Variants in FAM204A observed in about 807,000 individuals in gnomAD.
FAM204A encodes the protein protein FAM204A.
FAM204A carries 16 observed loss-of-function variants against 35.4 expected under a neutral mutation model. That is an observed-to-expected ratio of 0.45 (90% CI 0.31 to 0.69). The LOEUF (loss-of-function observed/expected upper bound fraction) is 0.69, where lower values mean the gene tolerates loss of function less well. FAM204A is among the 30% of genes least tolerant of loss of function. FAM204A has a pLI of 0.07. For missense variants in FAM204A, 240 were observed against 265.7 expected (o/e 0.90, Z 0.67); for synonymous variants, 76 against 86.9 (o/e 0.88, Z 0.70).
intron 7 of FAM204A, among the ~76,000 whole-genome samples, chr10:118,316,997 A>G (rs1846042361): frequency 6.6e-6 from 1 of 152,132 alleles, no homozygotes; most frequent in African/African-American, 2.4e-5. Flanking sequence ...GATGCTTTAC[A>G]CAGCCCCCAT....
intron 8 of FAM204A, 121 bp downstream of exon 8, chr10:118,311,086 T>C (rs1375748254): frequency 3.7e-6 from 4 of 1,069,842 alleles, no homozygotes; most frequent in Non-Finnish European, 5.6e-6. Flanking sequence ...CTGATAAACA[T>C]TCAACGAAGA....
In FAM204A at chr10:118,307,279, T is replaced by C. The variant is rs547805213; in HGVS notation, c.*3578A>G. 1 of 152,358 alleles carries C rather than the reference T, an allele frequency of 6.6e-6. No individual in the cohort carries two copies. Among genetic ancestry groups the C allele is most frequent in the East Asian group, 1.9e-4 (1 of 5,184 alleles). 9.4% of individuals were successfully genotyped at this position (152,358 alleles called of 1,614,324 possible). On this transcript the variant is annotated 3_prime_UTR_variant, in exon 9 of 9. Coordinates refer to ENST00000369183, the MANE Select transcript of FAM204A (RefSeq NM_022063.3). Reference sequence around the variant, plus strand: ...ATTTGGTTCTGGAAAAAGATTTTCATGTACATATTTTGTCCAAATATTACT... The same window carrying C: ...ATTTGGTTCTGGAAAAAGATTTTCACGTACATATTTTGTCCAAATATTACT...
At chr10:118,330,336 C>G (rs1419808954) in intron 6 of FAM204A, among the ~76,000 whole-genome samples, 1 of 152,190 alleles carries the variant, frequency 6.6e-6, no homozygotes, top group Non-Finnish European at 1.5e-5. Context: ...CTGCTCCAAC[C>G]ATTCATCTCA....
In FAM204A at chr10:118,304,487, G is replaced by A. The variant is rs1356910403; in HGVS notation, c.*6370C>T. 2 of 152,362 alleles carry A rather than the reference G, an allele frequency of 1.3e-5. No individual in the cohort carries two copies. The highest frequency in any genetic ancestry group is 2.9e-5 in the Non-Finnish European group (2 of 68,134). 9.4% of individuals were successfully genotyped at this position (152,362 alleles called of 1,614,324 possible). On this transcript the variant is annotated 3_prime_UTR_variant, in exon 9 of 9. Transcript: ENST00000369183. The stretch of plus-strand genomic sequence containing the variant: ...CATCTCTCAAAGTTGTGTGTGAGTT[G>A]GTTCTGGCCAGCTCTTTTCAACGCC...
chr10:118,329,148 T>C (rs1239353356), intron 6 of FAM204A, among the ~76,000 whole-genome samples: 1 of 152,224 alleles, frequency 6.6e-6, no homozygotes, highest in Non-Finnish European at 1.5e-5. Flanking sequence ...TTATCTTCAA[T>C]GCTTCCAACC....
chr10:118,322,485 C>T, intron 7 of FAM204A: 1 of 422,382 alleles, frequency 2.4e-6, no homozygotes. Context: ...GGACATGCTA[C>T]AAAGTAACTG....
chr10:118,313,031 A>G (rs1002172435), intron 7 of FAM204A, among the ~76,000 whole-genome samples: 1 of 152,202 alleles, frequency 6.6e-6, no homozygotes, highest in Non-Finnish European at 1.5e-5. Flanking sequence ...AAAGGTTAAG[A>G]ATCAAAAGCC....
At chr10:118,324,981 TAATA>T (rs1462094003) in intron 7 of FAM204A, among the ~76,000 whole-genome samples, 1 of 152,084 alleles carries the variant, frequency 6.6e-6, no homozygotes, top group Non-Finnish European at 1.5e-5. Context: ...TATTAGTCAT[TAATA>T]TATATTCTCT....
intron 6 of FAM204A, among the ~76,000 whole-genome samples, chr10:118,330,165 C>T (rs1393746047): frequency 1.3e-5 from 2 of 152,146 alleles, no homozygotes; most frequent in South Asian, 2.1e-4. Flanking sequence ...TATTAACCAT[C>T]GCCTCAAATG....
At chr10:118,338,281 G>T (rs1846419620) in intron 2 of FAM204A, among the ~76,000 whole-genome samples, 1 of 152,128 alleles carries the variant, frequency 6.6e-6, no homozygotes, top group Non-Finnish European at 1.5e-5. Flanking sequence ...TACTCCAATA[G>T]CACAAAAGAC....
At chr10:118,318,876 C>T (rs752721707) in intron 7 of FAM204A, among the ~76,000 whole-genome samples, 4 of 150,958 alleles carry the variant, frequency 2.6e-5, no homozygotes, top group South Asian at 2.1e-4. Context: ...GAACTCCAGA[C>T]ACAATAACAC....
At chr10:118,329,625 G>A (rs772369402) in intron 6 of FAM204A, among the ~76,000 whole-genome samples, 4 of 151,976 alleles carry the variant, frequency 2.6e-5, no homozygotes, top group Non-Finnish European at 4.4e-5. Flanking sequence ...GCTGTACCTT[G>A]TGTCCCTTCA....
At position 118,308,002 on chromosome 10, in the gene FAM204A, A is replaced by C. The variant is rs1489856344; in HGVS notation, c.*2855T>G. 16 of 152,234 alleles carry C rather than the reference A, an allele frequency of 1.1e-4. No homozygotes were observed. The allele number at this position is 152,234 out of a possible 1,614,324, so 9.4% of individuals were successfully genotyped here. A position where few individuals can be genotyped will look rare whatever the true frequency, so the allele number is the denominator to read the frequency against. Reference sequence around the variant, plus strand: ...CATCAGAACTAATTATAGCAAACCTAAGATTATATATTCAATCTCTCCTTT... The same window carrying C: ...CATCAGAACTAATTATAGCAAACCTCAGATTATATATTCAATCTCTCCTTT... On this transcript the variant is annotated 3_prime_UTR_variant, in exon 9 of 9. Coordinates refer to ENST00000369183, the MANE Select transcript of FAM204A (RefSeq NM_022063.3).
chr10:118,321,534 ATTGTAT>A (rs1205019368), intron 7 of FAM204A, among the ~76,000 whole-genome samples: 1 of 151,820 alleles, frequency 6.6e-6, no homozygotes, highest in African/African-American at 2.4e-5. Context: ...AGAAAAAAAC[ATTGTAT>A]TTGTATGAAT....
At chr10:118,333,319 T>C (rs1307268119) in intron 6 of FAM204A, among the ~76,000 whole-genome samples, 2 of 152,198 alleles carry the variant, frequency 1.3e-5, no homozygotes, top group African/African-American at 2.4e-5. Flanking sequence ...AGAAACAAAA[T>C]AGTGGATGGA....
chr10:118,320,424 G>A (rs988026507), intron 7 of FAM204A, among the ~76,000 whole-genome samples: 23 of 151,732 alleles, frequency 1.5e-4, no homozygotes, highest in Admixed American at 1.4e-3. Context: ...CAAACATAAT[G>A]TATAAGAAAA....
At chr10:118,327,515 C>G (rs560952454) in intron 6 of FAM204A, among the ~76,000 whole-genome samples, 3 of 152,166 alleles carry the variant, frequency 2.0e-5, no homozygotes, top group Admixed American at 1.3e-4. Context: ...TGAGGCCATA[C>G]GGATCTAATG....
intron 7 of FAM204A, among the ~76,000 whole-genome samples, chr10:118,325,417 T>C (rs1006711578): frequency 1.3e-5 from 2 of 151,318 alleles, no homozygotes; most frequent in African/African-American, 2.4e-5. Flanking sequence ...TATGGAGTAG[T>C]TAAAGTCTGA....
chr10:118,323,719 C>T (rs1846155057), intron 7 of FAM204A, among the ~76,000 whole-genome samples: 2 of 151,960 alleles, frequency 1.3e-5, no homozygotes, highest in African/African-American at 4.8e-5. Flanking sequence ...GGTCAAGTCT[C>T]CAAAATTTGG....
Sources: gnomAD v4.1 joint callset for allele counts (sites outside exome capture counted in the v4.1 genomes callset) on GRCh38, gnomAD v4.1.1 for gene constraint, MANE v1.5 for transcripts, NCBI Gene and HGNC (gene_info 2026-07-23, HGNC 2026-07-21) for gene names.